NAP1L1: variants seen among roughly 807,000 people sequenced by gnomAD.
NAP1L1 encodes nucleosome assembly protein 1 like 1.
Under a neutral mutation model 58.9 loss-of-function variants are expected in NAP1L1, and 9 were observed. The observed-to-expected ratio is 0.15, with a 90% CI of 0.09 to 0.27. The LOEUF (loss-of-function observed/expected upper bound fraction) is 0.27, where lower values mean the gene tolerates loss of function less well. NAP1L1 is among the 10% of genes least tolerant of loss of function. The probability of loss-of-function intolerance (pLI) is 1.00; values close to 1 mark genes in which losing one functional copy is unlikely to be tolerated. For missense variants in NAP1L1, 302 were observed against 458.8 expected (o/e 0.66, Z 3.12); for synonymous variants, 130 against 138.3 (o/e 0.94, Z 0.42).
In NAP1L1 at chr12:76,068,947, ACTT is replaced by A. The variant is rs1291291794; in HGVS notation, c.62_64del (p.Glu21del). The A allele has an allele frequency of 1.9e-6, 3 of 1,613,288 alleles. No homozygotes were observed. The highest frequency in any genetic ancestry group is 8.5e-7 in the Non-Finnish European group (1 of 1,179,640). On this transcript the variant is annotated inframe_deletion, in exon 3 of 15. Coordinates refer to ENST00000618691, the MANE Select transcript of NAP1L1 (RefSeq NM_004537.7). ...TTCTTCACCAGTTTCCTCTTCTTCT[ACTT>A]CTTCAACATCATCCAAATCTTGATC...
intron 4 of NAP1L1, among the ~76,000 whole-genome samples, chr12:76,064,356 A>G (rs1565732613): frequency 6.6e-6 from 1 of 152,234 alleles, no homozygotes; most frequent in East Asian, 1.9e-4. Context: ...ACAACCAATA[A>G]GCAGAAATAA....
At chr12:76,057,916 T>C (rs2163913) in intron 6 of NAP1L1, 939,438 of 1,181,408 alleles carry the variant, frequency 0.8, 379,776 homozygotes, top group East Asian at 1. Context: ...CAAAGAAATA[T>C]GTGACAAGGG....
intron 1 of NAP1L1, among the ~76,000 whole-genome samples, chr12:76,075,845 CA>C (rs1029629357): frequency 6.6e-6 from 1 of 151,962 alleles, no homozygotes; most frequent in Admixed American, 6.6e-5. Context: ...AGCAACCTGA[CA>C]ATAGGAATAT....
At chr12:76,053,388 A>T (rs1463742284) in intron 9 of NAP1L1, 38 bp from the exon 10 acceptor site, 2 of 1,592,748 alleles carry the variant, frequency 1.3e-6, no homozygotes, top group African/African-American at 2.7e-5. Flanking sequence ...TACAATTGAC[A>T]ATCTTTCAAC....
intron 6 of NAP1L1, chr12:76,057,246 T>C (rs1468865232): frequency 3.7e-6 from 1 of 273,136 alleles, no homozygotes; most frequent in Admixed American, 4.7e-5. Context: ...GCCAAGATCA[T>C]GCCAGTGTAC....
chr12:76,067,339 A>G (rs1172072581), intron 4 of NAP1L1, 32 bp downstream of exon 4: 2 of 1,511,492 alleles, frequency 1.3e-6, no homozygotes, highest in Non-Finnish European at 1.8e-6. Flanking sequence ...TTGATTATAG[A>G]AAGATAAATA....
At chr12:76,061,110 C>A in intron 4 of NAP1L1, 1 of 388,846 alleles carries the variant, frequency 2.6e-6, no homozygotes, top group Admixed American at 3.2e-5. Context: ...TAAATAACAG[C>A]TTTGATGAGA....
chr12:76,072,153 G>A (rs1949978999), intron 2 of NAP1L1, among the ~76,000 whole-genome samples: 1 of 150,120 alleles, frequency 6.7e-6, no homozygotes, highest in Non-Finnish European at 1.5e-5. Context: ...AGCCAACCAA[G>A]TATTGATTTA....
At position 76,044,787 on chromosome 12, in the gene NAP1L1, T is replaced by G. The variant is rs1948582946; in HGVS notation, c.*3642A>C. ...TTTTGAAAATATACATCAATCAAAA[T>G]TTCTTATGAATACTTATCCTTGAGT... On this transcript the variant is annotated 3_prime_UTR_variant, in exon 15 of 15. Transcript: ENST00000618691. 1 of 152,190 alleles carries G rather than the reference T, an allele frequency of 6.6e-6. No homozygotes were observed. The highest frequency in any genetic ancestry group is 2.4e-5 in the African/African-American group (1 of 41,456). The allele number at this position is 152,190 out of a possible 1,614,324, so 9.4% of individuals were successfully genotyped here. A position where few individuals can be genotyped will look rare whatever the true frequency, so the allele number is the denominator to read the frequency against.
At position 76,042,661 on chromosome 12, in the gene NAP1L1, G is replaced by A. The variant is rs899199450; in HGVS notation, c.*5768C>T. On this transcript the variant is annotated 3_prime_UTR_variant, in exon 15 of 15. Transcript: ENST00000618691. ...TAACATTGTTTGATTCAACTTCAAA[G>A]TATCCACTGTGCGTTCAGTTTTTAT... is the stretch of plus-strand genomic sequence containing the variant. 48 of 152,264 alleles carry A rather than the reference G, an allele frequency of 3.2e-4. 1 individual carries two copies. The highest frequency in any genetic ancestry group is 2.2e-3 in the Admixed American group (34 of 15,290). 9.4% of individuals were successfully genotyped at this position (152,264 alleles called of 1,614,324 possible). A position where few individuals can be genotyped will look rare whatever the true frequency, so the allele number is the denominator to read the frequency against.
chr12:76,067,371 C>T lies in NAP1L1; in HGVS notation c.206G>A (p.Ser69Asn). The change falls in exon 4 of 15, where the codon AGC (serine) becomes AAC (asparagine). Residue 69 changes from serine to asparagine, a missense_variant and splice_region_variant. Transcript: ENST00000618691. ...LVETPTGYIE[S>N]LPRVVKRRVN... ...AATAAGGACTATGGAAAAGCTGTAC[C>T]TTTCAATGTATCCTGTTGGTGTTTC... is the stretch of plus-strand genomic sequence containing the variant. 5 of 1,598,458 alleles carry T rather than the reference C, an allele frequency of 3.1e-6. No individual in the cohort carries two copies. The highest frequency in any genetic ancestry group is 4.3e-6 in the Non-Finnish European group (5 of 1,169,240).
In NAP1L1 at chr12:76,044,870, T is replaced by C. The variant is rs1948584050; in HGVS notation, c.*3559A>G. The C allele has an allele frequency of 6.6e-6, 1 of 152,190 alleles. No individual in the cohort carries two copies. The highest frequency in any genetic ancestry group is 6.5e-5 in the Admixed American group (1 of 15,284). 9.4% of individuals were successfully genotyped at this position (152,190 alleles called of 1,614,324 possible). On this transcript the variant is annotated 3_prime_UTR_variant, in exon 15 of 15. Transcript: ENST00000618691. ...CATTTCTGTAAAGTCATGTAAGTGA[T>C]CCTCAATCAGTCCAAGAACTTGGCT...
At position 76,037,648 on chromosome 12, in the gene NAP1L1, G is replaced by A. The variant is rs1433953589; in HGVS notation, c.*10781C>T. 2 of 152,232 alleles carry A rather than the reference G, an allele frequency of 1.3e-5. No homozygotes were observed. Among genetic ancestry groups the A allele is most frequent in the Non-Finnish European group, 2.9e-5 (2 of 68,074 alleles). The allele number at this position is 152,232 out of a possible 1,614,324, so 9.4% of individuals were successfully genotyped here. On this transcript the variant is annotated 3_prime_UTR_variant, in exon 15 of 15. Transcript: ENST00000618691. Reference sequence around the variant, plus strand: ...TCGTTCCACTCAACCTTGAGCGAGTGCCAGTCATACATCTCCTTGTCCTCG... The same window carrying A: ...TCGTTCCACTCAACCTTGAGCGAGTACCAGTCATACATCTCCTTGTCCTCG...
chr12:76,049,415 A>G, intron 13 of NAP1L1, 165 bp from the exon 14 acceptor site: 1 of 1,532,316 alleles, frequency 6.5e-7, no homozygotes, highest in Non-Finnish European at 8.7e-7. Context: ...AATATGAAAA[A>G]TTTCCCAACA....
chr12:76,038,442 T>C lies in NAP1L1; in HGVS notation c.*9987A>G, dbSNP rs1179524673. The C allele has an allele frequency of 6.6e-6, 1 of 152,194 alleles. No individual in the cohort carries two copies. The highest frequency in any genetic ancestry group is 1.9e-4 in the East Asian group (1 of 5,204). 9.4% of individuals were successfully genotyped at this position (152,194 alleles called of 1,614,324 possible). On this transcript the variant is annotated 3_prime_UTR_variant, in exon 15 of 15. Transcript: ENST00000618691. ...AGCCTGAGGACATAGGCTGTTCAAT[T>C]TGATCACTATTGATCTCTGTAAGAA...
At chr12:76,049,287 A>G (rs1428145685) in intron 13 of NAP1L1, 37 bp from the exon 14 acceptor site, 1 of 1,612,804 alleles carries the variant, frequency 6.2e-7, no homozygotes, top group Non-Finnish European at 8.5e-7. Context: ...TGAAGTATGT[A>G]CATAGTAGGT....
intron 2 of NAP1L1, among the ~76,000 whole-genome samples, chr12:76,070,107 T>C (rs748148968): frequency 2.4e-4 from 33 of 140,362 alleles, no homozygotes; most frequent in Non-Finnish European, 4.5e-4. Context: ...AAATGATACA[T>C]ACAATTTCTG....
rs1179968134 is a variant in NAP1L1, at chr12:76,040,851, C to A, written c.*7578G>T. The A allele has an allele frequency of 6.6e-6, 1 of 152,268 alleles. No individual in the cohort carries two copies. Among genetic ancestry groups the A allele is most frequent in the Non-Finnish European group, 1.5e-5 (1 of 68,080 alleles). 9.4% of individuals were successfully genotyped at this position (152,268 alleles called of 1,614,324 possible). ...GTGTTGGGATTACAGGCATGAGCCA[C>A]CACACCTGGCCATAATATATTTCCG... On this transcript the variant is annotated 3_prime_UTR_variant, in exon 15 of 15. Coordinates refer to ENST00000618691, the MANE Select transcript of NAP1L1 (RefSeq NM_004537.7).
rs1948926863 is a variant in NAP1L1, at chr12:76,053,280, C to T, written c.841G>A (p.Gly281Arg). 1 of 1,613,866 alleles carries T rather than the reference C, an allele frequency of 6.2e-7. No homozygotes were observed. Among genetic ancestry groups the T allele is most frequent in the Non-Finnish European group, 8.5e-7 (1 of 1,179,952 alleles). ...GTCACAGTACGAACTGTCCCACGTC[C>T]CTTGTGTTTCTGCTTCTTCTTAATA... ...KTIKKKQKHK[G>R]RGTVRTVTKT... The change falls in exon 10 of 15, where the codon GGA becomes AGA. Residue 281 changes from glycine (G) to arginine (R), a missense_variant. Gly to Arg is a moderately radical substitution (Grantham distance 125, BLOSUM62 -2). Transcript: ENST00000618691.
Sources: gnomAD v4.1 joint callset for allele counts (sites outside exome capture counted in the v4.1 genomes callset) on GRCh38, gnomAD v4.1.1 for gene constraint, MANE v1.5 for transcripts, NCBI Gene and HGNC (gene_info 2026-07-23, HGNC 2026-07-21) for gene names.